The following FRMPD2 variants were observed in gnomAD, a reference collection of about 807,000 sequenced individuals.
The protein encoded by FRMPD2 is FERM and PDZ domain containing 2, also known as FERM and PDZ domain-containing protein 2.
In FRMPD2, 96 loss-of-function variants were observed where a neutral mutation model predicts 140.1. The observed-to-expected ratio is 0.69, with a 90% CI of 0.58 to 0.81. FRMPD2 has a LOEUF of 0.81. Ranked by LOEUF, FRMPD2 falls within the 40% of genes least tolerant of loss-of-function variation. The pLI is 0.00. For missense variants in FRMPD2, 1,240 were observed against 1,447.4 expected (o/e 0.86, Z 2.32); for synonymous variants, 449 against 547.6 (o/e 0.82, Z 2.52).
Position 48,178,056 on chromosome 10 carries a change from G to A in FRMPD2, c.2886C>T (p.Phe962=). Residue 962 remains phenylalanine, a synonymous_variant, in exon 22 of 29, where the codon TTC becomes TTT. Coordinates refer to ENST00000374201, the MANE Select transcript of FRMPD2 (RefSeq NM_001018071.4). ...TCCTAAAAACTCTTACAGTTACACT[G>A]AATCCAAGTGTCCCATCTTCTTTAA... ...ELVKEDGTLG[F]SVTGGINTSV... The A allele has an allele frequency of 1.9e-6, 3 of 1,596,322 alleles. No individual in the cohort carries two copies. Among genetic ancestry groups the A allele is most frequent in the Non-Finnish European group, 2.6e-6 (3 of 1,165,862 alleles).
At chr10:48,249,251 G>A in intron 2 of FRMPD2, 73 bp from the exon 3 acceptor site, 1 of 1,480,070 alleles carries the variant, frequency 6.8e-7, no homozygotes, top group Non-Finnish European at 9.2e-7. Flanking sequence ...ACTGTGCCCA[G>A]CAGGTGCCTG....
rs1840143127 is a variant in FRMPD2 at position 48,242,417 on chromosome 10, T to C, written c.376-65A>G. The C allele has an allele frequency of 1.4e-5, 21 of 1,448,554 alleles. No homozygotes were observed. The South Asian group carries it at 2.6e-4, about 18-fold the overall frequency. The allele number at this position is 1,448,554 out of a possible 1,614,324, so 89.7% of individuals were successfully genotyped here. On this transcript the variant is annotated intron_variant, in intron 4 of 28. Coordinates refer to ENST00000374201, the MANE Select transcript of FRMPD2 (RefSeq NM_001018071.4). ...GAGCTGCCACTACGAGGCCAGCACCTTGTCAGGCAGGCCTTGGAGACATGG... is the reference window on the plus strand; with the variant it reads ...GAGCTGCCACTACGAGGCCAGCACCCTGTCAGGCAGGCCTTGGAGACATGG...
intron 1 of FRMPD2, among the ~76,000 whole-genome samples, chr10:48,267,380 A>G (rs1432766414): frequency 1.3e-5 from 2 of 152,226 alleles, no homozygotes; most frequent in African/African-American, 4.8e-5. Flanking sequence ...CATTAGAAAC[A>G]CTATGGGTGG....
In FRMPD2 at chr10:48,249,072, G is replaced by T. The variant is rs778660844; in HGVS notation, c.258C>A (p.Ala86=). ...VSHIEAAPFK[A]PELLQGQSED... ...CACTCTGTCCCTGTAGCAGTTCAGG[G>T]GCCTTGAAAGGAGCAGCCTCTATAT... Residue 86 remains alanine, a synonymous_variant, in exon 3 of 29, where the codon GCC becomes GCA. Coordinates refer to ENST00000374201, the MANE Select transcript of FRMPD2 (RefSeq NM_001018071.4). 2.5e-6 allele frequency: 4 copies of T among 1,613,912 alleles called. No individual in the cohort carries two copies. The highest frequency in any genetic ancestry group is 2.2e-5 in the South Asian group (2 of 91,058).
chr10:48,242,415 C>A, intron 4 of FRMPD2, 63 bp from the exon 5 acceptor site: 2 of 1,457,574 alleles, frequency 1.4e-6, no homozygotes, highest in South Asian at 2.5e-5. Flanking sequence ...GAGGCCAGCA[C>A]CTTGTCAGGC....
chr10:48,217,369 C>T (rs1181139349), intron 12 of FRMPD2, among the ~76,000 whole-genome samples: 2 of 152,244 alleles, frequency 1.3e-5, no homozygotes, highest in Non-Finnish European at 2.9e-5. Context: ...ATGCTGTGAA[C>T]AAAAACCCAG....
chr10:48,202,110 GA>G (rs557905925), intron 14 of FRMPD2, among the ~76,000 whole-genome samples: 2 of 151,670 alleles, frequency 1.3e-5, no homozygotes, highest in East Asian at 1.9e-4. Context: ...AGAGCCTTAT[GA>G]AAAAAAAGTA....
chr10:48,218,936 A>T (rs911382967), intron 12 of FRMPD2, among the ~76,000 whole-genome samples: 3 of 152,216 alleles, frequency 2.0e-5, no homozygotes, highest in African/African-American at 7.2e-5. Context: ...AGCCAGCCTG[A>T]GCTTGATTTT....
At chr10:48,252,676 G>A (rs956847325) in intron 1 of FRMPD2, among the ~76,000 whole-genome samples, 1 of 152,132 alleles carries the variant, frequency 6.6e-6, no homozygotes, top group Non-Finnish European at 1.5e-5. Flanking sequence ...ACCTCTCCCT[G>A]GGGCAGAAAG....
In FRMPD2 at chr10:48,238,090, C is replaced by T. The variant is rs780346812; in HGVS notation, c.822G>A (p.Gln274=). ...ALPGADPQDQ[Q]AGRRLSSGSV... is the part of the protein sequence containing the mutation. ...ATCCAGAGCTGAGCCTCCGGCCCGC[C>T]TGCTGGTCCTGGGGATCTGCTCCTG... is the stretch of plus-strand genomic sequence containing the variant. Residue 274 remains glutamine, a synonymous_variant, in exon 8 of 29, where the codon CAG becomes CAA. Coordinates refer to ENST00000374201, the MANE Select transcript of FRMPD2 (RefSeq NM_001018071.4). The T allele has an allele frequency of 5.0e-6, 8 of 1,613,098 alleles. No individual in the cohort carries two copies. In the East Asian group the frequency reaches 1.8e-4, roughly 36 times the overall value.
chr10:48,177,673 C>G (rs1176431962), intron 22 of FRMPD2: 1 of 193,136 alleles, frequency 5.2e-6, no homozygotes, highest in African/African-American at 2.3e-5. Context: ...GACTGCCCCA[C>G]CCATCCTTGG....
chr10:48,249,268 C>T, intron 2 of FRMPD2, 90 bp from the exon 3 acceptor site: 1 of 1,296,098 alleles, frequency 7.7e-7, no homozygotes, highest in Non-Finnish European at 1.1e-6. Flanking sequence ...CCTGGCAGTA[C>T]CCATCTCTGG....
chr10:48,164,280 T>C (rs1476085123), intron 27 of FRMPD2, among the ~76,000 whole-genome samples: 2 of 151,296 alleles, frequency 1.3e-5, no homozygotes, highest in Non-Finnish European at 2.9e-5. Flanking sequence ...ATTCTGGCTG[T>C]CTCCACTGTC....
chr10:48,262,539 A>T (rs1437628116), intron 1 of FRMPD2, among the ~76,000 whole-genome samples: 1 of 152,220 alleles, frequency 6.6e-6, no homozygotes, highest in Non-Finnish European at 1.5e-5. Flanking sequence ...ATCTACTATT[A>T]TACCTGGAGA....
At chr10:48,177,912 C>T (rs1554792310) in intron 22 of FRMPD2, 135 bp downstream of exon 22, 11 of 595,296 alleles carry the variant, frequency 1.8e-5, no homozygotes, top group African/African-American at 1.3e-4. Context: ...CAGGCCCCCA[C>T]TGGCTTTTTT....
chr10:48,244,362 G>C (rs1351944006), intron 4 of FRMPD2, among the ~76,000 whole-genome samples: 1 of 152,246 alleles, frequency 6.6e-6, no homozygotes, highest in Non-Finnish European at 1.5e-5. Flanking sequence ...TTGAGAGGGA[G>C]ATATTGTAGG....
At position 48,249,001 on chromosome 10, in the gene FRMPD2, A is replaced by C. The variant is rs1564439501; in HGVS notation, c.309+20T>G. On this transcript the variant is annotated intron_variant, in intron 3 of 28. Coordinates refer to ENST00000374201, the MANE Select transcript of FRMPD2 (RefSeq NM_001018071.4). ...CCAGGGCACAGGACTCAGAAGTTGC[A>C]GAGTAGCTGCACAGCTTACCTGAGA... 6.3e-7 allele frequency: 1 copy of C among 1,584,852 alleles called. No individual in the cohort carries two copies. Among genetic ancestry groups the C allele is most frequent in the Admixed American group, 1.7e-5 (1 of 57,706 alleles).
At chr10:48,264,683 A>G (rs73296387) in intron 1 of FRMPD2, among the ~76,000 whole-genome samples, 7,237 of 152,208 alleles carry the variant, frequency 0.048, 543 homozygotes, top group African/African-American at 0.16. Context: ...AGAGTATTCT[A>G]TGTTCACTGA....
chr10:48,188,805 T>C (rs1364986685), intron 16 of FRMPD2, among the ~76,000 whole-genome samples: 1 of 152,166 alleles, frequency 6.6e-6, no homozygotes, highest in African/African-American at 2.4e-5. Context: ...CATGCAACCC[T>C]TTACTGCTTA....
Sources: allele counts gnomAD v4.1 joint callset (sites outside exome capture counted in the v4.1 genomes callset), GRCh38; gene constraint gnomAD v4.1.1; transcripts MANE v1.5; gene names NCBI Gene and HGNC (gene_info 2026-07-23, HGNC 2026-07-21).